Variants in PRKN observed in about 807,000 individuals in gnomAD.
PRKN encodes E3 ubiquitin-protein ligase parkin.
In PRKN, 56 loss-of-function variants were observed where a neutral mutation model predicts 59.5. The ratio of observed to expected loss-of-function variants is 0.94; its 90% CI spans 0.76 to 1.18. The LOEUF (loss-of-function observed/expected upper bound fraction) is 1.18. PRKN is among the 50% of genes most tolerant of loss of function. The pLI is 0.00. For missense variants in PRKN, 657 were observed against 596.4 expected (o/e 1.10, Z -1.06); for synonymous variants, 250 against 222.1 (o/e 1.13, Z -1.12).
intron 3 of PRKN, among the ~76,000 whole-genome samples, chr6:162,257,485 C>T (rs1288578047): frequency 6.6e-6 from 1 of 152,094 alleles, no homozygotes; most frequent in Admixed American, 6.6e-5. Flanking sequence ...CACCTGATAG[C>T]TATATTCAGG....
intron 3 of PRKN, among the ~76,000 whole-genome samples, chr6:162,205,170 T>A (rs1242379565): frequency 1.3e-5 from 2 of 152,160 alleles, no homozygotes; most frequent in Non-Finnish European, 2.9e-5. Flanking sequence ...CAAGTCCATC[T>A]TCTTCTTTAG....
intron 3 of PRKN, among the ~76,000 whole-genome samples, chr6:162,236,962 G>A (rs1778758095): frequency 6.6e-6 from 1 of 152,042 alleles, no homozygotes; most frequent in Non-Finnish European, 1.5e-5. Context: ...AGCCCCTTTT[G>A]CCTAACCCTT....
At chr6:161,622,331 T>C (rs146055390) in intron 7 of PRKN, among the ~76,000 whole-genome samples, 1 of 152,344 alleles carries the variant, frequency 6.6e-6, no homozygotes, top group Non-Finnish European at 1.5e-5. Context: ...GTCTGCCCCG[T>C]AGGCTCTGAT....
chr6:161,763,044 C>T (rs1447614541), intron 7 of PRKN, among the ~76,000 whole-genome samples: 1 of 152,144 alleles, frequency 6.6e-6, no homozygotes, highest in African/African-American at 2.4e-5. Context: ...AAGTCCTGAC[C>T]TTCCTAGTGG....
At position 161,446,222 on chromosome 6, in the gene PRKN, C is replaced by T. The variant is rs1012245934; in HGVS notation, c.1084-59345G>A. On this transcript the variant is annotated intron_variant, in intron 9 of 11. Transcript: ENST00000366898. The surrounding 1 kb of genome is among the most constrained non-coding windows in gnomAD (Gnocchi z 6.2). ...AACAGAGAGAGATCTTATCTCAGAA[C>T]AAAACAAAAAAATTGGAGAAGGGAT... 6.6e-6 allele frequency among the ~76,000 whole-genome samples: 1 copy of T among 151,876 alleles called. No homozygotes were observed. Among genetic ancestry groups the T allele is most frequent in the Non-Finnish European group, 1.5e-5 (1 of 67,924 alleles).
intron 4 of PRKN, among the ~76,000 whole-genome samples, chr6:162,086,197 T>C (rs1301244862): frequency 6.6e-6 from 1 of 152,212 alleles, no homozygotes; most frequent in Non-Finnish European, 1.5e-5. Flanking sequence ...TTCACAGTGC[T>C]GGCACCCTAG....
At chr6:161,730,866 G>A (rs1238270670) in intron 7 of PRKN, among the ~76,000 whole-genome samples, 1 of 151,884 alleles carries the variant, frequency 6.6e-6, no homozygotes, top group African/African-American at 2.4e-5. Flanking sequence ...CTGAAGTGTT[G>A]CATTCTTTCT....
At chr6:162,363,748 T>C (rs924463219) in intron 2 of PRKN, among the ~76,000 whole-genome samples, 2 of 152,198 alleles carry the variant, frequency 1.3e-5, no homozygotes, top group Non-Finnish European at 2.9e-5. Context: ...TACAACTCAC[T>C]GGGAGATACA....
chr6:161,407,251 G>A lies in PRKN; in HGVS notation c.1084-20374C>T, dbSNP rs1323240894. On this transcript the variant is annotated intron_variant, in intron 9 of 11. Transcript: ENST00000366898. The surrounding 1 kb of genome is among the most constrained non-coding windows in gnomAD (Gnocchi z 4.9). ...ATGTTAATGGTAATTAATCATGAGT[G>A]AGTCATAAATATAGAAACGCACTGA... Among the ~76,000 whole-genome samples, 1 of 151,976 alleles carries A rather than the reference G, an allele frequency of 6.6e-6. No individual in the cohort carries two copies. The highest frequency in any genetic ancestry group is 1.5e-5 in the Non-Finnish European group (1 of 68,006).
chr6:162,604,254 G>T (rs1365486128), intron 1 of PRKN, among the ~76,000 whole-genome samples: 2 of 152,182 alleles, frequency 1.3e-5, no homozygotes, highest in Admixed American at 6.5e-5. Flanking sequence ...GAATCACTGA[G>T]CACCGTTTTA....
intron 7 of PRKN, among the ~76,000 whole-genome samples, chr6:161,658,205 A>AT (rs34255746): frequency 8.6e-5 from 13 of 150,956 alleles, no homozygotes; most frequent in Admixed American, 2.7e-4. Flanking sequence ...ATTAAATTGT[A>AT]TTTTTTTTTC....
chr6:162,560,853 C>CAAAAAAAA lies in PRKN; in HGVS notation c.8-117388_8-117381dup, dbSNP rs60391138. Among the ~76,000 whole-genome samples the CAAAAAAAA allele has an allele frequency of 3.5e-5, 2 of 56,504 alleles. 1 individual carries two copies. Among genetic ancestry groups the CAAAAAAAA allele is most frequent in the African/African-American group, 1.6e-4 (2 of 12,394 alleles). The allele number at this position is 56,504 out of a possible 152,430, so 37.1% of individuals were successfully genotyped here. On this transcript the variant is annotated intron_variant, in intron 1 of 11. Transcript: ENST00000366898. ...CAATTAAAGCCCAGAGAGAGAGAGG[C>CAAAAAAAA]AAAAAAAAAAAAAACCCAGGTCATT...
At chr6:162,114,680 C>T (rs947780936) in intron 4 of PRKN, among the ~76,000 whole-genome samples, 7 of 148,166 alleles carry the variant, frequency 4.7e-5, no homozygotes, top group Non-Finnish European at 1.0e-4. Context: ...AAAAAGTGGG[C>T]GAAGGACATG....
intron 4 of PRKN, among the ~76,000 whole-genome samples, chr6:162,095,674 C>G (rs1245431196): frequency 6.6e-6 from 1 of 152,078 alleles, no homozygotes; most frequent in Non-Finnish European, 1.5e-5. Context: ...TTCAAAGGCT[C>G]TCATGATTTC....
chr6:161,478,052 G>A lies in PRKN; in HGVS notation c.1083+70802C>T, dbSNP rs9458279. Among the ~76,000 whole-genome samples the A allele has an allele frequency of 6.2e-3, 949 of 152,296 alleles. 9 individuals are homozygous for A. Among genetic ancestry groups the A allele is most frequent in the African/African-American group, 0.021 (885 of 41,552 alleles). On this transcript the variant is annotated intron_variant, in intron 9 of 11. Coordinates refer to ENST00000366898, the MANE Select transcript of PRKN (RefSeq NM_004562.3). ...ATGTGTTCCATTTTAGCTATTCTGA[G>A]GACAATAAAATGACAATATACACAG...
At chr6:161,835,792 G>GGTC (rs1211447683) in intron 6 of PRKN, among the ~76,000 whole-genome samples, 1 of 152,114 alleles carries the variant, frequency 6.6e-6, no homozygotes, top group African/African-American at 2.4e-5. Context: ...CCCGGGCATG[G>GGTC]GTGACCCCTG....
intron 6 of PRKN, among the ~76,000 whole-genome samples, chr6:161,893,277 A>G (rs944908209): frequency 6.6e-6 from 1 of 152,204 alleles, no homozygotes; most frequent in Non-Finnish European, 1.5e-5. Context: ...GATTTTACTG[A>G]GTGATTGAAA....
At chr6:162,457,531 A>G (rs908433754) in intron 1 of PRKN, among the ~76,000 whole-genome samples, 1 of 151,866 alleles carries the variant, frequency 6.6e-6, no homozygotes, top group African/African-American at 2.4e-5. Context: ...TATAATACAT[A>G]TGAGCAAAAT....
chr6:161,736,478 C>G (rs1208433142), intron 7 of PRKN, among the ~76,000 whole-genome samples: 1 of 152,216 alleles, frequency 6.6e-6, no homozygotes, highest in African/African-American at 2.4e-5. Flanking sequence ...AACACTGTGA[C>G]AACACATGTC....
Sources: gnomAD v4.1 joint callset for allele counts (sites outside exome capture counted in the v4.1 genomes callset) on GRCh38, gnomAD v4.1.1 for gene constraint, Gnocchi (gnomAD v3.1) non-coding constraint, MANE v1.5 for transcripts, NCBI Gene and HGNC (gene_info 2026-07-23, HGNC 2026-07-21) for gene names.